Variants in TENM3 observed in about 807,000 individuals in gnomAD.
The protein encoded by TENM3 is teneurin transmembrane protein 3.
TENM3 carries 63 observed loss-of-function variants against 255.1 expected under a neutral mutation model. The observed-to-expected ratio is 0.25, with a 90% confidence interval of 0.20 to 0.30. The LOEUF (loss-of-function observed/expected upper bound fraction) is 0.30, where lower values mean the gene tolerates loss of function less well. Among genes scored for constraint, TENM3 ranks in the 10% least tolerant of loss-of-function variants. TENM3 has a pLI of 1.00. For missense variants in TENM3, 2,929 were observed against 3,461.1 expected, an observed-to-expected ratio of 0.85 and a Z score of 3.86; for synonymous variants, 1,306 against 1,322.3, an observed-to-expected ratio of 0.99 and a Z score of 0.27.
intron 3 of TENM3, among the ~76,000 whole-genome samples, chr4:182,442,189 T>A (rs1443734826): frequency 6.6e-6 from 1 of 152,194 alleles, no homozygotes; most frequent in Non-Finnish European, 1.5e-5. Context: ...ATAAATCGTG[T>A]TCACAAAGTC....
chr4:182,059,185 T>G, the TENM3 span, among the ~76,000 whole-genome samples: 14 of 152,136 alleles, frequency 9.2e-5, no homozygotes, highest in Non-Finnish European at 1.6e-4. Context: ...CCTGCAACCT[T>G]CTTGCTACAG....
At chr4:182,382,818 G>T (rs1561388328) in intron 3 of TENM3, among the ~76,000 whole-genome samples, 1 of 152,154 alleles carries the variant, frequency 6.6e-6, no homozygotes, top group Admixed American at 6.5e-5. Context: ...ATATAAAATG[G>T]TGGCAGGTGA....
chr4:182,129,827 C>A, the TENM3 span, among the ~76,000 whole-genome samples: 987 of 152,150 alleles, frequency 6.5e-3, 5 homozygotes, highest in Non-Finnish European at 0.011. Context: ...ATTATAAGCA[C>A]CCAAGAGACA....
intron 1 of TENM3, among the ~76,000 whole-genome samples, chr4:182,157,589 C>T (rs903492849): frequency 3.3e-5 from 5 of 152,180 alleles, no homozygotes; most frequent in East Asian, 1.9e-4. Flanking sequence ...CTCTGGACTT[C>T]GGTCATCACC....
At chr4:182,357,617 G>C (rs1765649640) in intron 3 of TENM3, among the ~76,000 whole-genome samples, 1 of 148,478 alleles carries the variant, frequency 6.7e-6, no homozygotes, top group African/African-American at 2.5e-5. Flanking sequence ...CTGGATATTA[G>C]CCCTTTGTCA....
the TENM3 span, among the ~76,000 whole-genome samples, chr4:181,580,083 C>G: frequency 6.6e-6 from 1 of 151,854 alleles, no homozygotes; most frequent in Non-Finnish European, 1.5e-5. Context: ...CCGCAACCTC[C>G]CCTTCCTGGG....
At chr4:181,867,196 C>T in the TENM3 span, among the ~76,000 whole-genome samples, 8 of 152,286 alleles carry the variant, frequency 5.3e-5, no homozygotes, top group East Asian at 1.5e-3. Flanking sequence ...AATCGCTACT[C>T]TCACAGTTTC....
the TENM3 span, among the ~76,000 whole-genome samples, chr4:181,751,589 C>G: frequency 1.3e-5 from 2 of 148,764 alleles, no homozygotes. Flanking sequence ...AACCATCCCA[C>G]CTCGCTGATT....
At chr4:181,819,009 A>G in the TENM3 span, among the ~76,000 whole-genome samples, 4 of 152,032 alleles carry the variant, frequency 2.6e-5, no homozygotes, top group Admixed American at 6.6e-5. Context: ...GGTCCCAGCT[A>G]TTTGTATTTA....
chr4:181,467,091 GTGTGTGTGTGTGTATATA>G, the TENM3 span, among the ~76,000 whole-genome samples: 1 of 64,916 alleles, frequency 1.5e-5, no homozygotes, highest in Non-Finnish European at 2.9e-5. Flanking sequence ...GTGCGTGTGT[GTGTGTGTGTGTGTATATA>G]TATATATATA....
the TENM3 span, among the ~76,000 whole-genome samples, chr4:181,456,088 T>C: frequency 0.016 from 2,305 of 146,362 alleles, 57 homozygotes; most frequent in Middle Eastern, 0.059. Context: ...ATTTACTTGG[T>C]AAATATATGT....
chr4:181,736,864 C>A, the TENM3 span, among the ~76,000 whole-genome samples: 1 of 151,918 alleles, frequency 6.6e-6, no homozygotes, highest in Admixed American at 6.6e-5. Context: ...GGGGAAGAGG[C>A]GATGCACGTG....
chr4:182,262,722 T>A (rs1378793380), intron 1 of TENM3, among the ~76,000 whole-genome samples: 1 of 81,944 alleles, frequency 1.2e-5, no homozygotes, highest in African/African-American at 4.6e-5. Flanking sequence ...TTTACTTTCT[T>A]TTTTTTTTTT....
Position 182,688,208 on chromosome 4 carries a change from G to T in TENM3, c.2078G>T (p.Gly693Val), listed in dbSNP as rs375492680. 2.9e-5 allele frequency: 46 copies of T among 1,613,818 alleles called. No homozygotes were observed. The highest frequency in any genetic ancestry group is 1.7e-4 in the Middle Eastern group (1 of 6,056). ...VDCGSHGVCM[G>V]GTCRCEEGWT... ...TGTGGCTCACACGGCGTTTGCATGG[G>T]GGGGACGTGTCGCTGTGAAGAAGGC... The change falls in exon 12 of 28, where the codon GGG becomes GTG. Residue 693 changes from glycine (G) to valine (V), a missense_variant. Transcript: ENST00000511685.
intron 3 of TENM3, among the ~76,000 whole-genome samples, chr4:182,452,489 GAGAA>G (rs1773546603): frequency 6.6e-6 from 1 of 152,178 alleles, no homozygotes; most frequent in Non-Finnish European, 1.5e-5. Context: ...TCCTGGCAGA[GAGAA>G]AGGAATGAAA....
chr4:182,172,725 A>T (rs1018236199), intron 1 of TENM3, among the ~76,000 whole-genome samples: 1 of 152,200 alleles, frequency 6.6e-6, no homozygotes, highest in Non-Finnish European at 1.5e-5. Flanking sequence ...GTCCTACTAT[A>T]TGCAAAGACC....
chr4:181,925,126 A>G, the TENM3 span, among the ~76,000 whole-genome samples: 1 of 152,196 alleles, frequency 6.6e-6, no homozygotes, highest in Non-Finnish European at 1.5e-5. Flanking sequence ...TAGTGACATA[A>G]TTATAATTAT....
chr4:182,742,166 C>T lies in TENM3; in HGVS notation c.3380-1004C>T, dbSNP rs144938428. On this transcript the variant is annotated intron_variant, in intron 18 of 27. Transcript: ENST00000511685. ...GCAGCTGACTACCCCGTGTGCATCA[C>T]GCCAAACTGGAGGCACTGATCTGTA... Among the ~76,000 whole-genome samples, 67 of 152,326 alleles carry T rather than the reference C, an allele frequency of 4.4e-4. 1 individual carries two copies. The highest frequency in any genetic ancestry group is 4.2e-3 in the East Asian group (22 of 5,192).
chr4:181,721,574 T>C, the TENM3 span, among the ~76,000 whole-genome samples: 41 of 28,574 alleles, frequency 1.4e-3, no homozygotes, highest in East Asian at 2.7e-3. Flanking sequence ...CACTCCAGCC[T>C]GGGCGACAGA....
Sources: gnomAD v4.1 joint callset for allele counts (sites outside exome capture counted in the v4.1 genomes callset) on GRCh38, gnomAD v4.1.1 for gene constraint, MANE v1.5 for transcripts, NCBI Gene and HGNC (gene_info 2026-07-23, HGNC 2026-07-21) for gene names.